CCNQ: variants seen among roughly 807,000 people sequenced by gnomAD.
The protein encoded by CCNQ is cyclin-Q.
Under a neutral mutation model 17.7 loss-of-function variants are expected in CCNQ, and 3 were observed. The ratio of observed to expected loss-of-function variants is 0.17; its 90% CI spans 0.08 to 0.44. The LOEUF (loss-of-function observed/expected upper bound fraction) is 0.44, where lower values mean the gene tolerates loss of function less well. CCNQ is among the 20% of genes least tolerant of loss of function. The pLI is 0.99. For synonymous variants in CCNQ, 73 were observed against 96.0 expected (o/e 0.76, Z 1.40); for missense variants, 146 against 222.6 (o/e 0.66, Z 2.19).
rs5945317 is a variant in CCNQ at position 153,596,411 on chromosome X, T to C, written c.113-224A>G. On this transcript the variant is annotated intron_variant, in intron 1 of 4. Coordinates refer to ENST00000576892, the MANE Select transcript of CCNQ (RefSeq NM_152274.5). ...GGTGTTCAAATGCAGACTTCCCCTT[T>C]TGTAGGTCTGCGGCTCTGAGATTCT... Among the ~76,000 whole-genome samples, 23,412 of 111,109 alleles carry C rather than the reference T, an allele frequency of 0.21. 2,869 individuals are homozygous for C. Among genetic ancestry groups the C allele is most frequent in the African/African-American group, 0.48 (14,461 of 30,396 alleles).
intron 1 of CCNQ, 42 bp downstream of exon 1, chrX:153,598,920 G>A (rs1456290922): frequency 1.1e-4 from 109 of 996,298 alleles, no homozygotes; most frequent in Non-Finnish European, 1.4e-4. Flanking sequence ...CGCGAAGCGG[G>A]CCGCGGCGCC....
Position 153,592,566 on chromosome X carries a change from G to A in CCNQ, c.597C>T (p.Ala199=). Residue 199 remains alanine, a synonymous_variant, in exon 4 of 5, where the codon GCC becomes GCT. Coordinates refer to ENST00000576892, the MANE Select transcript of CCNQ (RefSeq NM_152274.5). ...GCACCTCAACTCCGTAGACCTGCAG[G>A]GCCAGGTAGAGCACCGCCACGGCGA... ...QHIAVAVLYL[A]LQVYGVEVPA... is the part of the protein sequence containing the mutation. The A allele has an allele frequency of 8.3e-7, 1 of 1,212,076 alleles. No homozygotes were observed. The highest frequency in any genetic ancestry group is 1.1e-6 in the Non-Finnish European group (1 of 895,518).
intron 3 of CCNQ, among the ~76,000 whole-genome samples, chrX:153,594,232 C>T (rs1218055238): frequency 8.9e-6 from 1 of 112,679 alleles, no homozygotes; most frequent in East Asian, 2.8e-4. Context: ...CGAGGCCCAG[C>T]GTGCACACCA....
rs2091027138 is a variant in CCNQ at position 153,596,164 on chromosome X, T to C, written c.136A>G (p.Ile46Val). The C allele has an allele frequency of 1.6e-6, 2 of 1,212,227 alleles. No individual in the cohort carries two copies. Among genetic ancestry groups the C allele is most frequent in the African/African-American group, 1.7e-5 (1 of 57,916 alleles). Residue 46 changes from isoleucine to valine, a missense_variant, in exon 2 of 5, where the codon ATT becomes GTT. Coordinates refer to ENST00000576892, the MANE Select transcript of CCNQ (RefSeq NM_152274.5). The stretch of plus-strand genomic sequence containing the variant: ...ATGGTGCAAGCAGTGGCAATGGGAA[T>C]GGACCGCATCCCTAGCTTGACACCT... ...EAGVKLGMRS[I>V]PIATACTIYH... is the part of the protein sequence containing the mutation.
intron 1 of CCNQ, among the ~76,000 whole-genome samples, chrX:153,597,904 T>C (rs781894736): frequency 9.0e-6 from 1 of 111,063 alleles, no homozygotes; most frequent in East Asian, 2.8e-4. Context: ...GAGCAGACGG[T>C]AGCAGATGAG....
At chrX:153,595,243 G>A (rs2091019390) in intron 2 of CCNQ, among the ~76,000 whole-genome samples, 1 of 111,253 alleles carries the variant, frequency 9.0e-6, no homozygotes, top group African/African-American at 3.3e-5. Flanking sequence ...TCAGCTACCC[G>A]AGCAGCTGGA....
rs782234625 is a variant in CCNQ at position 153,597,980 on chromosome X, A to G, written c.112+982T>C. ...TTCTTGCAAATTACAGTAAATTTAC[A>G]TATCACTGGGATGAACAGTCCTGCA... is the stretch of plus-strand genomic sequence containing the variant. On this transcript the variant is annotated intron_variant, in intron 1 of 4. Coordinates refer to ENST00000576892, the MANE Select transcript of CCNQ (RefSeq NM_152274.5). Among the ~76,000 whole-genome samples, 15 of 111,295 alleles carry G rather than the reference A, an allele frequency of 1.3e-4. No homozygotes were observed. The East Asian group carries it at 3.9e-3, about 29-fold the overall frequency.
At chrX:153,588,994 G>A (rs2090972789) in intron 4 of CCNQ, among the ~76,000 whole-genome samples, 1 of 113,236 alleles carries the variant, frequency 8.8e-6, no homozygotes, top group Admixed American at 9.2e-5. Context: ...TGCAGCCCAG[G>A]GCCACGCCAC....
At chrX:153,592,116 T>C (rs995068584) in intron 4 of CCNQ, among the ~76,000 whole-genome samples, 7 of 112,085 alleles carry the variant, frequency 6.2e-5, no homozygotes, top group African/African-American at 1.9e-4. Flanking sequence ...ACTAGCCAGC[T>C]AGCTGTCACC....
chrX:153,593,320 T>C (rs1433688842), intron 3 of CCNQ, among the ~76,000 whole-genome samples: 4 of 112,398 alleles, frequency 3.6e-5, no homozygotes, highest in African/African-American at 1.3e-4. Flanking sequence ...CAGCACACCA[T>C]GCAGGAGGGA....
rs184512968 is a variant in CCNQ, at chrX:153,592,638, C to T, written c.525G>A (p.Arg175=). ...GGCACAGCGCCCCATGGTAGCTGTC[C>T]CGCAGCAGGGCCCAGGCGGTGACGG... ...PVAVTAWALL[R]DSYHGALCLR... Residue 175 remains arginine, a synonymous_variant, in exon 4 of 5, where the codon CGG becomes CGA. Transcript: ENST00000576892. 8 of 1,210,081 alleles carry T rather than the reference C, an allele frequency of 6.6e-6. No individual in the cohort carries two copies. The African/African-American group carries it at 1.0e-4, about 16-fold the overall frequency.
rs782430896 is a variant in CCNQ, at chrX:153,588,228, C to T, written c.*137G>A. On this transcript the variant is annotated 3_prime_UTR_variant, in exon 5 of 5. Transcript: ENST00000576892. ...CAAAGCGGCAGCATGCCATTGCCTT[C>T]TCCAGCCCTTCTCCAGCAGCACAAC... 8.4e-5 allele frequency: 50 copies of T among 595,474 alleles called. No homozygotes were observed. The South Asian group carries it at 1.1e-3, about 13-fold the overall frequency. 49.1% of individuals were successfully genotyped at this position (595,474 alleles called of 1,213,427 possible). A position where few individuals can be genotyped will look rare whatever the true frequency, so the allele number is the denominator to read the frequency against.
At chrX:153,592,924 C>T (rs782001142) in intron 3 of CCNQ, among the ~76,000 whole-genome samples, 191 bp from the exon 4 acceptor site, 35 of 112,037 alleles carry the variant, frequency 3.1e-4, no homozygotes, top group Non-Finnish European at 5.5e-4. Context: ...AGGGCCTTCG[C>T]ACTTGCTGAG....
rs782740943 is a variant in CCNQ, at chrX:153,588,199, C to T, written c.*166G>A. 7.2e-6 allele frequency: 4 copies of T among 556,430 alleles called. No homozygotes were observed. The highest frequency in any genetic ancestry group is 1.3e-5 in the Non-Finnish European group (4 of 305,615). The allele number at this position is 556,430 out of a possible 1,213,427, so 45.9% of individuals were successfully genotyped here. Reference sequence around the variant, plus strand: ...TCACCTGCACCGCGACTTCTAGGGACTGGCAAAGCGGCAGCATGCCATTGC... The same window carrying T: ...TCACCTGCACCGCGACTTCTAGGGATTGGCAAAGCGGCAGCATGCCATTGC... On this transcript the variant is annotated 3_prime_UTR_variant, in exon 5 of 5. Transcript: ENST00000576892.
At position 153,588,099 on chromosome X, in the gene CCNQ, C is replaced by T. The variant is rs782109567; in HGVS notation, c.*266G>A. 5 of 475,016 alleles carry T rather than the reference C, an allele frequency of 1.1e-5. No individual in the cohort carries two copies. Among genetic ancestry groups the T allele is most frequent in the African/African-American group, 7.1e-5 (3 of 42,311 alleles). 39.1% of individuals were successfully genotyped at this position (475,016 alleles called of 1,213,427 possible). Reference sequence around the variant, plus strand: ...AGTCAAAGTCCTCTCAAAGGACAAACGCAGATGTGGCTGCCTTGGGTCAGC... The same window carrying T: ...AGTCAAAGTCCTCTCAAAGGACAAATGCAGATGTGGCTGCCTTGGGTCAGC... On this transcript the variant is annotated 3_prime_UTR_variant, in exon 5 of 5. Coordinates refer to ENST00000576892, the MANE Select transcript of CCNQ (RefSeq NM_152274.5).
intron 4 of CCNQ, among the ~76,000 whole-genome samples, chrX:153,590,230 T>TAAAA (rs2090981542): frequency 2.9e-4 from 1 of 3,498 alleles, no homozygotes; most frequent in Non-Finnish European, 1.4e-3. Context: ...TCTGTCTCTA[T>TAAAA]TAAAAAAAAA....
chrX:153,595,676 A>G (rs1557026843), intron 2 of CCNQ, among the ~76,000 whole-genome samples: 20 of 112,227 alleles, frequency 1.8e-4, no homozygotes, highest in African/African-American at 6.5e-4. Flanking sequence ...TTCTGCCTGC[A>G]GCCATCCCTG....
intron 2 of CCNQ, 88 bp from the exon 3 acceptor site, chrX:153,594,767 G>A: frequency 1.0e-6 from 1 of 997,573 alleles, no homozygotes; most frequent in Non-Finnish European, 1.4e-6. Flanking sequence ...ACAATGTCCA[G>A]ATGCAAACTA....
At chrX:153,589,569 G>C (rs1428464110) in intron 4 of CCNQ, among the ~76,000 whole-genome samples, 1 of 112,830 alleles carries the variant, frequency 8.9e-6, no homozygotes, top group Non-Finnish European at 1.9e-5. Flanking sequence ...CCAATGATAA[G>C]GGAAATAGTA....
Sources: gnomAD v4.1 joint callset for allele counts (sites outside exome capture counted in the v4.1 genomes callset) on GRCh38, gnomAD v4.1.1 for gene constraint, MANE v1.5 for transcripts, NCBI Gene and HGNC (gene_info 2026-07-23, HGNC 2026-07-21) for gene names.